The following NLRP3 variants were observed in gnomAD, a reference collection of about 807,000 sequenced individuals.
NLRP3 encodes NACHT, LRR and PYD domains-containing protein 3.
NLRP3 carries 48 observed loss-of-function variants against 91.3 expected under a neutral mutation model. That is an observed-to-expected ratio of 0.53 (90% CI 0.42 to 0.67). The LOEUF (loss-of-function observed/expected upper bound fraction) is 0.67, where lower values mean the gene tolerates loss of function less well. Among genes scored for constraint, NLRP3 ranks in the 30% least tolerant of loss-of-function variants. The pLI is 0.00. For synonymous variants in NLRP3, 561 were observed against 507.9 expected, an observed-to-expected ratio of 1.10 and a Z score of -1.41; for missense variants, 982 against 1,276.9, an observed-to-expected ratio of 0.77 and a Z score of 3.52.
In NLRP3 at chr1:247,416,650, G is replaced by T. The variant is rs533934950; in HGVS notation, c.-749+457G>T. 1.1e-4 allele frequency among the ~76,000 whole-genome samples: 13 copies of T among 117,772 alleles called. No individual in the cohort carries two copies. In the South Asian group the frequency reaches 2.9e-3, roughly 26 times the overall value. The allele number at this position is 117,772 out of a possible 152,430, so 77.3% of individuals were successfully genotyped here. On this transcript the variant is annotated intron_variant, in intron 1 of 9. Coordinates refer to ENST00000336119, the MANE Select transcript of NLRP3 (RefSeq NM_001243133.2). ...TGGGAGGGTATGCGGAGCTAATAGG[G>T]CTGTCTGGAGAGCAGTCACCTCAGG...
chr1:247,428,109 C>T (rs1341745641), intron 4 of NLRP3, among the ~76,000 whole-genome samples: 2 of 101,396 alleles, frequency 2.0e-5, no homozygotes, highest in Admixed American at 9.5e-5. Context: ...CTTCCTTCCT[C>T]AGGACAGACT....
In NLRP3 at chr1:247,423,488, T is replaced by C. The variant is rs199475731; in HGVS notation, c.397+139T>C. 9.4e-5 allele frequency: 100 copies of C among 1,066,456 alleles called. No individual in the cohort carries two copies. In the African/African-American group the frequency reaches 1.3e-3, roughly 14 times the overall value. The allele number at this position is 1,066,456 out of a possible 1,614,324, so 66.1% of individuals were successfully genotyped here. ...GCAAAGGCCTGTCTCAGGAAATCCATTGTCAGTTGAAGAAACAAATTCATG... is the reference window on the plus strand; with the variant it reads ...GCAAAGGCCTGTCTCAGGAAATCCACTGTCAGTTGAAGAAACAAATTCATG... On this transcript the variant is annotated intron_variant, in intron 3 of 9. Transcript: ENST00000336119.
chr1:247,440,427 C>A (rs1280970342), intron 7 of NLRP3, among the ~76,000 whole-genome samples: 2 of 152,138 alleles, frequency 1.3e-5, no homozygotes, highest in Admixed American at 1.3e-4. Flanking sequence ...CCAGAGGGAA[C>A]TTTTTAAGAT....
intron 3 of NLRP3, 93 bp from the exon 4 acceptor site, chr1:247,423,754 T>C: frequency 1.8e-6 from 2 of 1,129,812 alleles, no homozygotes; most frequent in Non-Finnish European, 2.6e-6. Context: ...TCCATTCCGG[T>C]TACCACTCGC....
In NLRP3 at chr1:247,418,946, A is replaced by G. The variant is rs367663649; in HGVS notation, c.146A>G (p.His49Arg). The change falls in exon 2 of 10, where the codon CAT becomes CGT. Residue 49 changes from histidine (H) to arginine (R), a missense_variant. His to Arg is a conservative substitution (Grantham distance 29, BLOSUM62 0). Coordinates refer to ENST00000336119, the MANE Select transcript of NLRP3 (RefSeq NM_001243133.2). ...LPRGQTEKAD[H>R]VDLATLMIDF... ...AGGGGTCAGACAGAGAAGGCAGACC[A>G]TGTGGATCTAGCCACGCTAATGATC... 1.6e-5 allele frequency: 26 copies of G among 1,614,076 alleles called. No homozygotes were observed. Among genetic ancestry groups the G allele is most frequent in the Non-Finnish European group, 1.9e-5 (23 of 1,180,050 alleles).
Position 247,419,090 on chromosome 1 carries a change from A to G in NLRP3, c.277+13A>G, listed in dbSNP as rs1302383088. 1 of 1,604,264 alleles carries G rather than the reference A, an allele frequency of 6.2e-7. No homozygotes were observed. Among genetic ancestry groups the G allele is most frequent in the Non-Finnish European group, 8.5e-7 (1 of 1,179,196 alleles). ...GAGCCGAAGTGGGGTGAGTGGAAGG[A>G]AGACTTTTAAAAAAAATTGTGGCCA... On this transcript the variant is annotated intron_variant, in intron 2 of 9. Coordinates refer to ENST00000336119, the MANE Select transcript of NLRP3 (RefSeq NM_001243133.2).
At chr1:247,439,794 A>T (rs954177720) in intron 7 of NLRP3, among the ~76,000 whole-genome samples, 1 of 113,928 alleles carries the variant, frequency 8.8e-6, no homozygotes, top group Non-Finnish European at 1.9e-5. Context: ...AGATCTATCG[A>T]TTGGGGCATA....
At chr1:247,441,000 CT>C (rs1052541667) in intron 7 of NLRP3, among the ~76,000 whole-genome samples, 10 of 152,212 alleles carry the variant, frequency 6.6e-5, no homozygotes, top group African/African-American at 2.4e-4. Context: ...TGAGATAACC[CT>C]GTTTAAAGTC....
At chr1:247,448,112 C>T (rs74154650) in intron 9 of NLRP3, among the ~76,000 whole-genome samples, 7,922 of 151,468 alleles carry the variant, frequency 0.052, 671 homozygotes, top group African/African-American at 0.18. Context: ...AGGCTGGGGT[C>T]CTGGGGGTCT....
At chr1:247,423,041 G>GA (rs1662580216) in intron 2 of NLRP3, among the ~76,000 whole-genome samples, 189 bp from the exon 3 acceptor site, 1 of 152,178 alleles carries the variant, frequency 6.6e-6, no homozygotes, top group Non-Finnish European at 1.5e-5. Flanking sequence ...AAGTTGTTTT[G>GA]AAACTAGGAG....
intron 9 of NLRP3, among the ~76,000 whole-genome samples, chr1:247,446,941 AAG>A (rs1558212084): frequency 6.6e-6 from 1 of 152,284 alleles, no homozygotes; most frequent in East Asian, 1.9e-4. Flanking sequence ...TCCCAGAGCT[AAG>A]AGAGATGGGG....
chr1:247,439,045 C>CATCCATCT (rs1553291700), intron 7 of NLRP3, among the ~76,000 whole-genome samples: 22,878 of 150,386 alleles, frequency 0.15, 1,956 homozygotes, highest in African/African-American at 0.22. Flanking sequence ...TCCATCCATC[C>CATCCATCT]ATCCATCCAT....
chr1:247,438,350 C>G (rs575432975), intron 7 of NLRP3, among the ~76,000 whole-genome samples: 1 of 142,052 alleles, frequency 7.0e-6, no homozygotes, highest in South Asian at 2.3e-4. Flanking sequence ...TTCCTGTGGT[C>G]TGGGGATTTC....
chr1:247,431,273 C>T (rs536493999), intron 5 of NLRP3, among the ~76,000 whole-genome samples: 80 of 152,310 alleles, frequency 5.3e-4, no homozygotes, highest in African/African-American at 1.9e-3. Context: ...GCGCTGGTGC[C>T]TGGGCCGCCT....
At position 247,444,741 on chromosome 1, in the gene NLRP3, C is replaced by T. The variant is rs1664480215; in HGVS notation, c.2925C>T (p.Gly975=). The change falls in exon 9 of 10, where the codon GGC becomes GGT. Residue 975 remains glycine, a synonymous_variant. Transcript: ENST00000336119. ...AGAGCCTGCGAAAGCTGAGCCTGGGCAACAATGACCTGGGCGACCTGGGGG... is the reference window on the plus strand; with the variant it reads ...AGAGCCTGCGAAAGCTGAGCCTGGGTAACAATGACCTGGGCGACCTGGGGG... ...SSQSLRKLSL[G]NNDLGDLGVM... The T allele has an allele frequency of 6.2e-7, 1 of 1,614,148 alleles. No individual in the cohort carries two copies. Among genetic ancestry groups the T allele is most frequent in the Non-Finnish European group, 8.5e-7 (1 of 1,180,036 alleles).
intron 4 of NLRP3, among the ~76,000 whole-genome samples, chr1:247,426,935 G>T (rs936451367): frequency 6.6e-6 from 1 of 152,082 alleles, no homozygotes; most frequent in Non-Finnish European, 1.5e-5. Flanking sequence ...AGCAGGGTAC[G>T]GTTTCTACGG....
At chr1:247,433,426 G>C (rs187507549) in intron 5 of NLRP3, among the ~76,000 whole-genome samples, 1 of 152,152 alleles carries the variant, frequency 6.6e-6, no homozygotes, top group East Asian at 1.9e-4. Flanking sequence ...CACACCGCCC[G>C]CTTCACTTAC....
chr1:247,429,745 C>G lies in NLRP3; in HGVS notation c.2311C>G (p.Arg771Gly). ...ETLQHPGCNIRRLWLGRCGLS... is the reference protein window; with the variant it reads ...ETLQHPGCNIGRLWLGRCGLS... The stretch of plus-strand genomic sequence containing the variant: ...GCTCCAGCATCCTGGCTGTAACATT[C>G]GGAGATTGTGGTGAGTCCCCGTGCA... The change falls in exon 5 of 10, where the codon CGG becomes GGG. Residue 771 changes from arginine (R) to glycine (G), a missense_variant. Arg to Gly is a moderately radical substitution (Grantham distance 125). Coordinates refer to ENST00000336119, the MANE Select transcript of NLRP3 (RefSeq NM_001243133.2). 1.9e-6 allele frequency: 3 copies of G among 1,613,772 alleles called. No homozygotes were observed. Among genetic ancestry groups the G allele is most frequent in the Non-Finnish European group, 2.5e-6 (3 of 1,180,004 alleles).
intron 4 of NLRP3, among the ~76,000 whole-genome samples, chr1:247,429,111 T>C (rs367604825): frequency 1.3e-5 from 2 of 152,264 alleles, no homozygotes; most frequent in African/African-American, 4.8e-5. Flanking sequence ...CAGGCTGATC[T>C]TGAACTCCTG....
Sources: gnomAD v4.1 joint callset for allele counts (sites outside exome capture counted in the v4.1 genomes callset) on GRCh38, gnomAD v4.1.1 for gene constraint, MANE v1.5 for transcripts, NCBI Gene and HGNC (gene_info 2026-07-23, HGNC 2026-07-21) for gene names.